The following RAB9B variants were observed in gnomAD, a reference collection of about 807,000 sequenced individuals.
The protein encoded by RAB9B is ras-related protein Rab-9B.
Under a neutral mutation model 8.9 loss-of-function variants are expected in RAB9B, and 1 was observed. The ratio of observed to expected loss-of-function variants is 0.11; its 90% confidence interval spans 0.04 to 0.53. RAB9B has a LOEUF of 0.53. Among genes scored for constraint, RAB9B ranks in the 20% least tolerant of loss-of-function variants. The probability of loss-of-function intolerance (pLI) is 0.93; values close to 1 mark genes in which losing one functional copy is unlikely to be tolerated. For synonymous variants in RAB9B, 63 were observed against 57.0 expected (o/e 1.10, Z -0.47); for missense variants, 82 against 152.9 (o/e 0.54, Z 2.45).
the RAB9B span, among the ~76,000 whole-genome samples, chrX:103,813,744 G>GAAAAA: frequency 1.3e-3 from 2 of 1,527 alleles, no homozygotes; most frequent in Non-Finnish European, 1.3e-3. Context: ...CAAATGGAAA[G>GAAAAA]CAAAAAAAAA....
At chrX:103,816,227 A>G in the RAB9B span, among the ~76,000 whole-genome samples, 1 of 111,523 alleles carries the variant, frequency 9.0e-6, no homozygotes, top group Non-Finnish European at 1.9e-5. Flanking sequence ...CGGTACCAAA[A>G]CAGATATATA....
the RAB9B span, among the ~76,000 whole-genome samples, chrX:103,782,944 T>C: frequency 8.9e-6 from 1 of 112,332 alleles, no homozygotes; most frequent in African/African-American, 3.2e-5. Context: ...GTGGGGTCAC[T>C]GACCTTCTTC....
chrX:103,813,186 G>A, the RAB9B span, among the ~76,000 whole-genome samples: 1 of 109,862 alleles, frequency 9.1e-6, no homozygotes, highest in African/African-American at 3.3e-5. Flanking sequence ...CTCCCAAAGT[G>A]CTGGGATTAT....
the RAB9B span, among the ~76,000 whole-genome samples, chrX:103,797,316 C>T: frequency 9.0e-6 from 1 of 110,505 alleles, no homozygotes; most frequent in African/African-American, 3.3e-5. Flanking sequence ...GTCTCGAATT[C>T]CTGGCCCACC....
chrX:103,781,828 G>C, the RAB9B span, among the ~76,000 whole-genome samples: 1,088 of 112,188 alleles, frequency 9.7e-3, 11 homozygotes, highest in African/African-American at 0.033. Flanking sequence ...TCTGTACTTA[G>C]ACTGGAAATG....
the RAB9B span, among the ~76,000 whole-genome samples, chrX:103,794,654 G>A: frequency 1.4e-4 from 16 of 112,286 alleles, no homozygotes; most frequent in Non-Finnish European, 2.4e-4. Flanking sequence ...CACAGGTAGT[G>A]TGGCTATTTT....
the RAB9B span, among the ~76,000 whole-genome samples, chrX:103,784,704 C>T: frequency 6.1e-4 from 69 of 112,347 alleles, no homozygotes; most frequent in Non-Finnish European, 1.1e-3. Context: ...GCACTCATCC[C>T]TTCCTGGAAC....
At chrX:103,820,370 T>C (rs2074654703), downstream of RAB9B, among the ~76,000 whole-genome samples, 1 of 111,984 alleles carries the variant, frequency 8.9e-6, no homozygotes, top group East Asian at 2.8e-4. Flanking sequence ...TGCTGCAAGA[T>C]CTACTTTGGG....
the RAB9B span, among the ~76,000 whole-genome samples, chrX:103,801,827 T>C: frequency 9.0e-6 from 1 of 111,593 alleles, no homozygotes; most frequent in East Asian, 2.8e-4. Flanking sequence ...GGGGAGGAAG[T>C]CTTTAAAATG....
At chrX:103,817,114 T>C in the RAB9B span, among the ~76,000 whole-genome samples, 5 of 111,953 alleles carry the variant, frequency 4.5e-5, no homozygotes, top group Admixed American at 1.9e-4. Context: ...CATTCTGTTA[T>C]AAAGACACAT....
chrX:103,778,524 G>C, the RAB9B span, among the ~76,000 whole-genome samples: 1 of 111,233 alleles, frequency 9.0e-6, no homozygotes, highest in Non-Finnish European at 1.9e-5. Context: ...GAGTAAAGAA[G>C]GATGTTGAAT....
chrX:103,788,779 TA>T, the RAB9B span: 1 of 370,437 alleles, frequency 2.7e-6, no homozygotes, highest in Non-Finnish European at 4.7e-6. Flanking sequence ...AGATAGAGCC[TA>T]ATGGCAAAAT....
At chrX:103,787,520 T>C in the RAB9B span, 2 of 413,120 alleles carry the variant, frequency 4.8e-6, no homozygotes, top group Admixed American at 4.2e-5. Context: ...TTACACCTTA[T>C]CTGCCCAAAA....
chrX:103,828,355 C>CT (rs1462223984), intron 1 of RAB9B, among the ~76,000 whole-genome samples: 1 of 112,292 alleles, frequency 8.9e-6, no homozygotes, highest in Admixed American at 9.5e-5. Flanking sequence ...TTTTTGTCCT[C>CT]TTTTTCCTGC....
chrX:103,794,194 G>A, the RAB9B span, among the ~76,000 whole-genome samples: 4 of 111,349 alleles, frequency 3.6e-5, no homozygotes, highest in African/African-American at 6.5e-5. Context: ...CAGTCTGATC[G>A]GCTGACTCCA....
chrX:103,802,735 A>G, the RAB9B span, among the ~76,000 whole-genome samples: 1 of 111,763 alleles, frequency 8.9e-6, no homozygotes, highest in Non-Finnish European at 1.9e-5. Context: ...ATGCTCACAG[A>G]GTTGTGCAAC....
chrX:103,794,575 C>T, the RAB9B span, among the ~76,000 whole-genome samples: 15 of 111,748 alleles, frequency 1.3e-4, no homozygotes, highest in South Asian at 3.8e-3. Context: ...ACTTGTATCC[C>T]CTAAATTTAT....
chrX:103,776,666 A>G, the RAB9B span: 1 of 284,742 alleles, frequency 3.5e-6, no homozygotes, highest in Non-Finnish European at 6.2e-6. Context: ...TAGGGAAAAA[A>G]GGAAAAACAA....
the RAB9B span, among the ~76,000 whole-genome samples, chrX:103,802,194 GAGAGAGAGAGAA>G: frequency 9.6e-6 from 1 of 104,362 alleles, no homozygotes; most frequent in East Asian, 2.9e-4. Context: ...AAGAAAGAGA[GAGAGAGAGAGAA>G]AGAGAGAGAG....
Sources: gnomAD v4.1 joint callset for allele counts (sites outside exome capture counted in the v4.1 genomes callset) on GRCh38, gnomAD v4.1.1 for gene constraint, MANE v1.5 for transcripts, NCBI Gene and HGNC (gene_info 2026-07-23, HGNC 2026-07-21) for gene names.